GRAMD1B: variants seen among roughly 807,000 people sequenced by gnomAD.
GRAMD1B encodes the protein GRAM domain containing 1B.
Under a neutral mutation model 99.7 loss-of-function variants are expected in GRAMD1B, and 37 were observed. That is an observed-to-expected ratio of 0.37 (90% confidence interval 0.29 to 0.49). The LOEUF (loss-of-function observed/expected upper bound fraction) is 0.49. GRAMD1B is among the 20% of genes least tolerant of loss of function. The probability of loss-of-function intolerance (pLI) is 0.98; values close to 1 mark genes in which losing one functional copy is unlikely to be tolerated. For synonymous variants in GRAMD1B, 427 were observed against 387.6 expected, an observed-to-expected ratio of 1.10 and a Z score of -1.19; for missense variants, 888 against 1,009.2, an observed-to-expected ratio of 0.88 and a Z score of 1.63.
chr11:123,541,273 A>G (rs1042127595), intron 2 of GRAMD1B, among the ~76,000 whole-genome samples: 4 of 152,168 alleles, frequency 2.6e-5, no homozygotes, highest in African/African-American at 9.7e-5. Flanking sequence ...TTCTTTAGAT[A>G]GAAACCTAGA....
intron 7 of GRAMD1B, among the ~76,000 whole-genome samples, chr11:123,600,151 C>A (rs1006570840): frequency 6.6e-6 from 1 of 152,202 alleles, no homozygotes. Context: ...TAGCTCACCC[C>A]TTACCCAGTT....
chr11:123,619,245 T>C (rs1484970142), intron 19 of GRAMD1B, 21 bp downstream of exon 19: 9 of 1,551,266 alleles, frequency 5.8e-6, no homozygotes, highest in Non-Finnish European at 7.8e-6. Flanking sequence ...CCACCTTCTC[T>C]GCTTGCCCTG....
Position 123,565,993 on chromosome 11 carries a change from G to A in GRAMD1B, c.453-11374G>A, listed in dbSNP as rs145696832. On this transcript the variant is annotated intron_variant, in intron 2 of 19. Transcript: ENST00000635736. ...CTGAATATATGCCTAGCCACAATCTGTACTCTCATCCCGTGTCTTTGCCAT... is the reference window on the plus strand; with the variant it reads ...CTGAATATATGCCTAGCCACAATCTATACTCTCATCCCGTGTCTTTGCCAT... Among the ~76,000 whole-genome samples the A allele has an allele frequency of 3.4e-3, 518 of 152,258 alleles. 2 individuals are homozygous for A. The highest frequency in any genetic ancestry group is 6.0e-3 in the Non-Finnish European group (411 of 68,012).
chr11:123,422,459 A>G (rs1211689033), intron 1 of GRAMD1B, among the ~76,000 whole-genome samples: 2 of 152,228 alleles, frequency 1.3e-5, no homozygotes, highest in Non-Finnish European at 2.9e-5. Flanking sequence ...AGTCGTCTTC[A>G]GCTTCTTCCT....
intron 2 of GRAMD1B, among the ~76,000 whole-genome samples, chr11:123,490,296 C>A (rs1938402922): frequency 6.6e-6 from 1 of 152,084 alleles, no homozygotes; most frequent in African/African-American, 2.4e-5. Context: ...TGATGTGAGA[C>A]AGATGAGATG....
At chr11:123,530,744 C>T (rs1275255558) in intron 2 of GRAMD1B, among the ~76,000 whole-genome samples, 1 of 152,216 alleles carries the variant, frequency 6.6e-6, no homozygotes, top group Non-Finnish European at 1.5e-5. Context: ...CCCCTGCACA[C>T]CTCCTATAGA....
chr11:123,370,046 G>C (rs1337812478), intron 1 of GRAMD1B, among the ~76,000 whole-genome samples: 1 of 152,052 alleles, frequency 6.6e-6, no homozygotes, highest in East Asian at 1.9e-4. Flanking sequence ...CGGGCATGAT[G>C]GCTCATGCCT....
intron 1 of GRAMD1B, among the ~76,000 whole-genome samples, chr11:123,455,770 C>G (rs1200733996): frequency 6.6e-6 from 1 of 152,024 alleles, no homozygotes; most frequent in African/African-American, 2.4e-5. Flanking sequence ...TTTCTGCATC[C>G]CTTCTGCTAA....
At chr11:123,589,612 TTTTA>T (rs1364785012) in intron 4 of GRAMD1B, among the ~76,000 whole-genome samples, 10 of 130,664 alleles carry the variant, frequency 7.7e-5, no homozygotes, top group African/African-American at 2.0e-4. Flanking sequence ...TGTGGCTAAT[TTTTA>T]TATATATATA....
chr11:123,381,287 T>C (rs1054710396), intron 1 of GRAMD1B, among the ~76,000 whole-genome samples: 1 of 152,132 alleles, frequency 6.6e-6, no homozygotes, highest in Admixed American at 6.5e-5. Context: ...GCTGGGTGGG[T>C]TGTTTGGCAT....
chr11:123,478,855 C>A (rs1366244088), intron 1 of GRAMD1B, among the ~76,000 whole-genome samples: 3 of 152,160 alleles, frequency 2.0e-5, no homozygotes, highest in African/African-American at 7.2e-5. Context: ...GTAGACCCTG[C>A]TTCTGGAGCT....
intron 1 of GRAMD1B, among the ~76,000 whole-genome samples, chr11:123,407,983 C>T (rs1947912468): frequency 6.6e-6 from 1 of 152,150 alleles, no homozygotes; most frequent in African/African-American, 2.4e-5. Context: ...TGAGGTGAAG[C>T]CTCTGGGGGT....
intron 2 of GRAMD1B, among the ~76,000 whole-genome samples, chr11:123,489,703 G>A (rs1429283976): frequency 6.6e-6 from 1 of 152,222 alleles, no homozygotes; most frequent in Admixed American, 6.5e-5. Context: ...CTGGGAAGAA[G>A]AGAAATAGGG....
intron 1 of GRAMD1B, among the ~76,000 whole-genome samples, chr11:123,413,097 A>C (rs1341252259): frequency 6.6e-6 from 1 of 151,906 alleles, no homozygotes; most frequent in Admixed American, 6.6e-5. Flanking sequence ...TCTCTTTTTT[A>C]CTTTACAAGT....
intron 2 of GRAMD1B, among the ~76,000 whole-genome samples, chr11:123,564,116 C>G (rs1027282502): frequency 6.6e-6 from 1 of 152,174 alleles, no homozygotes; most frequent in Non-Finnish European, 1.5e-5. Context: ...AACTTCTCCC[C>G]CACCTGCACA....
chr11:123,578,875 C>A (rs1949029386), intron 3 of GRAMD1B, among the ~76,000 whole-genome samples: 1 of 152,188 alleles, frequency 6.6e-6, no homozygotes, highest in East Asian at 1.9e-4. Context: ...GAGGGCTGCG[C>A]TGACTGGGGG....
At chr11:123,540,975 T>A (rs993376293) in intron 2 of GRAMD1B, among the ~76,000 whole-genome samples, 1 of 152,158 alleles carries the variant, frequency 6.6e-6, no homozygotes, top group Admixed American at 6.6e-5. Flanking sequence ...TTCTTTTCTT[T>A]TCTTTTTTTT....
chr11:123,422,807 A>G (rs918414632), intron 1 of GRAMD1B, among the ~76,000 whole-genome samples: 1 of 152,130 alleles, frequency 6.6e-6, no homozygotes, highest in Non-Finnish European at 1.5e-5. Context: ...TCAAACCTTG[A>G]CTAGGTACTG....
At chr11:123,472,776 C>T (rs1303491401) in intron 1 of GRAMD1B, among the ~76,000 whole-genome samples, 1 of 152,186 alleles carries the variant, frequency 6.6e-6, no homozygotes, top group Non-Finnish European at 1.5e-5. Context: ...TCCAGATGGG[C>T]TTTCCACTTG....
Sources: gnomAD v4.1 joint callset for allele counts (sites outside exome capture counted in the v4.1 genomes callset) on GRCh38, gnomAD v4.1.1 for gene constraint, MANE v1.5 for transcripts, NCBI Gene and HGNC (gene_info 2026-07-23, HGNC 2026-07-21) for gene names.